The following MYO10 variants were observed in gnomAD, a reference collection of about 807,000 sequenced individuals.
The protein encoded by MYO10 is unconventional myosin-X.
In MYO10, 133 loss-of-function variants were observed where a neutral mutation model predicts 257.3. That is an observed-to-expected ratio of 0.52 (90% CI 0.45 to 0.60). MYO10 has a LOEUF of 0.60. Ranked by LOEUF, MYO10 falls within the 20% of genes least tolerant of loss-of-function variation. MYO10 has a pLI of 0.00. For synonymous variants in MYO10, 1,104 were observed against 1,028.6 expected, an observed-to-expected ratio of 1.07 and a Z score of -1.40; for missense variants, 2,399 against 2,635.7, an observed-to-expected ratio of 0.91 and a Z score of 1.97.
intron 2 of MYO10, among the ~76,000 whole-genome samples, chr5:16,830,991 T>G (rs1743147288): frequency 6.6e-6 from 1 of 152,154 alleles, no homozygotes; most frequent in African/African-American, 2.4e-5. Context: ...CTGTATCCAC[T>G]GCGTCAATGT....
intron 2 of MYO10, among the ~76,000 whole-genome samples, chr5:16,827,539 G>C (rs938883893): frequency 2.0e-5 from 3 of 152,136 alleles, no homozygotes; most frequent in African/African-American, 7.2e-5. Context: ...CGCCCACCCT[G>C]GCTTCCCAAA....
intron 1 of MYO10, 54 bp from the exon 2 acceptor site, chr5:16,877,761 A>C: frequency 7.1e-7 from 1 of 1,413,588 alleles, no homozygotes; most frequent in East Asian, 2.3e-5. Context: ...TTTGTGGCGA[A>C]ACTGTACTGT....
intron 3 of MYO10, among the ~76,000 whole-genome samples, chr5:16,815,802 A>G (rs986491451): frequency 2.0e-5 from 3 of 152,208 alleles, no homozygotes; most frequent in Non-Finnish European, 2.9e-5. Flanking sequence ...ATGAGAACAG[A>G]GAAATAAATG....
intron 2 of MYO10, among the ~76,000 whole-genome samples, chr5:16,835,134 G>A (rs757759052): frequency 2.6e-5 from 4 of 152,092 alleles, no homozygotes; most frequent in Admixed American, 6.6e-5. Flanking sequence ...TCGAGATTGC[G>A]TCACTGTACT....
intron 25 of MYO10, among the ~76,000 whole-genome samples, chr5:16,700,457 A>G (rs1561192033): frequency 6.6e-6 from 1 of 152,222 alleles, no homozygotes; most frequent in African/African-American, 2.4e-5. Context: ...CAGGTGGATC[A>G]CCTGAGGTCA....
chr5:16,900,779 G>C (rs926898479), intron 1 of MYO10, among the ~76,000 whole-genome samples: 1 of 138,048 alleles, frequency 7.2e-6, no homozygotes. Flanking sequence ...TTGCTCTGTC[G>C]CCCAGGCTGG....
rs1561201137 is a variant in MYO10 at position 16,711,150 on chromosome 5, G to C, written c.2025C>G (p.Val675=). Reference sequence around the variant, plus strand: ...TGTAAAAGTCCTGAAAGGGTCTTCGGACCGCATACCCAGCTTTGCGGATTC... The same window carrying C: ...TGTAAAAGTCCTGAAAGGGTCTTCGCACCGCATACCCAGCTTTGCGGATTC... The part of the protein sequence containing the change: ...TVRIRKAGYA[V]RRPFQDFYKR... The change falls in exon 20 of 41, where the codon GTC becomes GTG. Residue 675 remains valine, a synonymous_variant. Transcript: ENST00000513610. The C allele has an allele frequency of 6.2e-7, 1 of 1,613,674 alleles. No individual in the cohort carries two copies. Among genetic ancestry groups the C allele is most frequent in the Non-Finnish European group, 8.5e-7 (1 of 1,179,840 alleles).
chr5:16,869,500 C>T (rs1433232480), intron 2 of MYO10, among the ~76,000 whole-genome samples: 1 of 152,034 alleles, frequency 6.6e-6, no homozygotes, highest in East Asian at 1.9e-4. Flanking sequence ...CACTCAAGCC[C>T]AGGAGTTACA....
chr5:16,913,174 G>GC (rs1554008466), intron 1 of MYO10, among the ~76,000 whole-genome samples: 16 of 150,996 alleles, frequency 1.1e-4, no homozygotes, highest in Non-Finnish European at 1.8e-4. Flanking sequence ...GGTTATAGAG[G>GC]AAAAAAAAAT....
At chr5:16,749,824 C>T (rs2126639358) in intron 19 of MYO10, among the ~76,000 whole-genome samples, 1 of 152,352 alleles carries the variant, frequency 6.6e-6, no homozygotes, top group Non-Finnish European at 1.5e-5. Flanking sequence ...AGAAGGTGTT[C>T]CTGATGTGTA....
At chr5:16,728,764 C>A (rs1018154258) in intron 19 of MYO10, among the ~76,000 whole-genome samples, 3 of 152,158 alleles carry the variant, frequency 2.0e-5, no homozygotes, top group African/African-American at 7.2e-5. Flanking sequence ...TAGTTCTGTG[C>A]CCTTCGTCCT....
At chr5:16,738,016 C>T (rs565636556) in intron 19 of MYO10, 33 of 764,554 alleles carry the variant, frequency 4.3e-5, no homozygotes, top group Non-Finnish European at 5.1e-5. Flanking sequence ...CAGAGTAGCA[C>T]GGAACTAGAA....
intron 28 of MYO10, among the ~76,000 whole-genome samples, chr5:16,688,432 G>A (rs1175047928): frequency 6.6e-6 from 1 of 152,122 alleles, no homozygotes; most frequent in Non-Finnish European, 1.5e-5. Flanking sequence ...GCTATTGGAT[G>A]TTACCCTCGT....
At chr5:16,683,658 T>C (rs1444083490) in intron 30 of MYO10, among the ~76,000 whole-genome samples, 1 of 152,102 alleles carries the variant, frequency 6.6e-6, no homozygotes, top group African/African-American at 2.4e-5. Context: ...GTTCCCACGG[T>C]TTTCCCCAGG....
rs575012568 is a variant in MYO10 at position 16,785,030 on chromosome 5, A to C, written c.468-1561T>G. ...GCGCACACACACGACACTGGGCGGA[A>C]ATGTCCCTTTTGCGGCAGACAACAA... On this transcript the variant is annotated intron_variant, in intron 4 of 40. Coordinates refer to ENST00000513610, the MANE Select transcript of MYO10 (RefSeq NM_012334.3). Among the ~76,000 whole-genome samples the C allele has an allele frequency of 4.5e-4, 68 of 152,262 alleles. 1 individual carries two copies. The highest frequency in any genetic ancestry group is 1.6e-3 in the African/African-American group (67 of 41,556).
chr5:16,755,387 G>A (rs1279498766), intron 18 of MYO10, among the ~76,000 whole-genome samples: 1 of 152,172 alleles, frequency 6.6e-6, no homozygotes, highest in Non-Finnish European at 1.5e-5. Context: ...GGATGGTCTC[G>A]ATCTCCTGAC....
intron 2 of MYO10, among the ~76,000 whole-genome samples, chr5:16,823,953 C>G (rs779163778): frequency 2.0e-5 from 3 of 152,040 alleles, no homozygotes; most frequent in Non-Finnish European, 4.4e-5. Flanking sequence ...GATTAACAGA[C>G]AAGAAATCCA....
chr5:16,747,952 A>T (rs1740255857), intron 19 of MYO10, among the ~76,000 whole-genome samples: 1 of 150,550 alleles, frequency 6.6e-6, no homozygotes, highest in African/African-American at 2.4e-5. Flanking sequence ...AAAAAGAAAA[A>T]AAAAAAGATA....
intron 3 of MYO10, among the ~76,000 whole-genome samples, chr5:16,810,808 C>A (rs1461157721): frequency 6.6e-6 from 1 of 151,844 alleles, no homozygotes; most frequent in Non-Finnish European, 1.5e-5. Context: ...CAGTGGCTCA[C>A]GTCTGTAATC....
Sources: allele counts gnomAD v4.1 joint callset (sites outside exome capture counted in the v4.1 genomes callset), GRCh38; gene constraint gnomAD v4.1.1; transcripts MANE v1.5; gene names NCBI Gene and HGNC (gene_info 2026-07-23, HGNC 2026-07-21).